Variants in FOXJ3 observed in about 807,000 individuals in gnomAD.
FOXJ3 encodes the protein forkhead box protein J3.
A neutral mutation model predicts 76.1 loss-of-function variants in FOXJ3; 22 were observed. The observed-to-expected ratio is 0.29, with a 90% CI of 0.21 to 0.41. FOXJ3 has a LOEUF of 0.41. Among genes scored for constraint, FOXJ3 ranks in the 10% least tolerant of loss-of-function variants. The pLI is 1.00. For synonymous variants in FOXJ3, 269 were observed against 261.2 expected (o/e 1.03, Z -0.29); for missense variants, 613 against 762.1 (o/e 0.80, Z 2.30).
chr1:42,312,051 G>A lies in FOXJ3; in HGVS notation c.-17-941C>T, dbSNP rs114338980. Reference sequence around the variant, plus strand: ...CATACGCATACACTGCACAAGTGGCGGAAACTGTGAGCAACTGAAGAGAGC... The same window carrying A: ...CATACGCATACACTGCACAAGTGGCAGAAACTGTGAGCAACTGAAGAGAGC... On this transcript the variant is annotated intron_variant, in intron 1 of 12. Transcript: ENST00000361346. Among the ~76,000 whole-genome samples the A allele has an allele frequency of 2.7e-3, 406 of 152,218 alleles. 7 individuals are homozygous for A. Among genetic ancestry groups the A allele is most frequent in the African/African-American group, 9.7e-3 (401 of 41,524 alleles).
chr1:42,267,501 CACAAGT>C (rs778498954), intron 3 of FOXJ3, among the ~76,000 whole-genome samples: 1 of 152,054 alleles, frequency 6.6e-6, no homozygotes, highest in Non-Finnish European at 1.5e-5. Flanking sequence ...CTTGTCCATT[CACAAGT>C]ACAAGTACTA....
intron 1 of FOXJ3, among the ~76,000 whole-genome samples, chr1:42,322,341 T>C (rs746099485): frequency 8.5e-5 from 13 of 152,148 alleles, no homozygotes; most frequent in Non-Finnish European, 1.6e-4. Flanking sequence ...TATTGTCTAT[T>C]TTGTTAGATA....
At chr1:42,295,589 C>G (rs11587973) in intron 2 of FOXJ3, among the ~76,000 whole-genome samples, 1 of 144,430 alleles carries the variant, frequency 6.9e-6, no homozygotes, top group Non-Finnish European at 1.5e-5. Context: ...AATGCAGTGG[C>G]GCAATCTTGG....
intron 5 of FOXJ3, among the ~76,000 whole-genome samples, chr1:42,208,458 T>C (rs1450315048): frequency 6.6e-6 from 1 of 152,206 alleles, no homozygotes; most frequent in Non-Finnish European, 1.5e-5. Flanking sequence ...ATCCCAAAGA[T>C]ACTTTAAAAA....
At chr1:42,236,553 G>A (rs961137747) in intron 4 of FOXJ3, among the ~76,000 whole-genome samples, 4 of 152,074 alleles carry the variant, frequency 2.6e-5, no homozygotes, top group African/African-American at 9.7e-5. Context: ...TAAAATGCAC[G>A]CATTTTAAGT....
At chr1:42,252,637 T>C (rs1475275603) in intron 4 of FOXJ3, among the ~76,000 whole-genome samples, 1 of 151,460 alleles carries the variant, frequency 6.6e-6, no homozygotes, top group Non-Finnish European at 1.5e-5. Context: ...TCAGTTCTGC[T>C]CTGATTTTAG....
chr1:42,282,433 C>A (rs1009104882), intron 2 of FOXJ3, among the ~76,000 whole-genome samples: 2 of 152,166 alleles, frequency 1.3e-5, no homozygotes, highest in African/African-American at 4.8e-5. Flanking sequence ...ACTACTTTAG[C>A]TTTTACTAAT....
chr1:42,179,931 A>C, intron 12 of FOXJ3, 106 bp from the exon 13 acceptor site: 279 of 692,094 alleles, frequency 4.0e-4, no homozygotes, highest in Non-Finnish European at 5.1e-4. Flanking sequence ...ACATTATCTC[A>C]CTAATTCAAC....
At chr1:42,327,066 C>G (rs140668551) in intron 1 of FOXJ3, among the ~76,000 whole-genome samples, 18 of 152,268 alleles carry the variant, frequency 1.2e-4, no homozygotes, top group Admixed American at 7.8e-4. Flanking sequence ...TCTCCAAAAT[C>G]CAACAGATCA....
intron 4 of FOXJ3, among the ~76,000 whole-genome samples, chr1:42,244,634 C>T (rs964059642): frequency 2.0e-5 from 3 of 147,782 alleles, no homozygotes; most frequent in East Asian, 2.0e-4. Context: ...AATCAATACA[C>T]TGACAGCCAC....
intron 4 of FOXJ3, among the ~76,000 whole-genome samples, chr1:42,241,227 G>A (rs1649114940): frequency 1.3e-5 from 2 of 152,102 alleles, no homozygotes; most frequent in South Asian, 2.1e-4. Flanking sequence ...CTCCACCAGG[G>A]TCTGAAGCAC....
intron 4 of FOXJ3, among the ~76,000 whole-genome samples, chr1:42,234,932 T>C (rs983603663): frequency 6.6e-6 from 1 of 152,202 alleles, no homozygotes; most frequent in Non-Finnish European, 1.5e-5. Context: ...TTCAAAGCTG[T>C]AAGACAGGGA....
chr1:42,228,067 T>C (rs1647722644), intron 4 of FOXJ3, 101 bp from the exon 5 acceptor site: 3 of 514,916 alleles, frequency 5.8e-6, no homozygotes, highest in Non-Finnish European at 1.0e-5. Flanking sequence ...ATTCTGCAAA[T>C]ACAATGGAAA....
chr1:42,297,983 C>T (rs964193746), intron 2 of FOXJ3, among the ~76,000 whole-genome samples: 3 of 152,110 alleles, frequency 2.0e-5, no homozygotes, highest in African/African-American at 7.2e-5. Flanking sequence ...CTACCCAAAT[C>T]TCACCTCGTA....
chr1:42,189,704 T>G, intron 9 of FOXJ3: 1 of 273,276 alleles, frequency 3.7e-6, no homozygotes, highest in Middle Eastern at 1.2e-3. Context: ...TCTAGCAGTT[T>G]CCAAATTGCC....
chr1:42,245,810 T>G (rs1430159530), intron 4 of FOXJ3, among the ~76,000 whole-genome samples: 1 of 152,096 alleles, frequency 6.6e-6, no homozygotes, highest in African/African-American at 2.4e-5. Context: ...GAAGTCCTAG[T>G]CAGCACAGTC....
chr1:42,255,123 C>G (rs922914917), intron 4 of FOXJ3, among the ~76,000 whole-genome samples: 3 of 152,054 alleles, frequency 2.0e-5, no homozygotes, highest in African/African-American at 7.2e-5. Flanking sequence ...AACACAAATC[C>G]TAAGACGGGA....
intron 2 of FOXJ3, among the ~76,000 whole-genome samples, chr1:42,299,540 CTT>C (rs762864718): frequency 4.1e-4 from 49 of 119,280 alleles, no homozygotes; most frequent in East Asian, 2.0e-3. Context: ...ATGGTTGGGT[CTT>C]TTTTTTTTTT....
intron 2 of FOXJ3, among the ~76,000 whole-genome samples, chr1:42,288,323 C>T (rs1335879898): frequency 6.6e-6 from 1 of 152,222 alleles, no homozygotes; most frequent in Non-Finnish European, 1.5e-5. Flanking sequence ...AACACACACA[C>T]ACATCCTTCA....
Sources: allele counts gnomAD v4.1 joint callset (sites outside exome capture counted in the v4.1 genomes callset), GRCh38; gene constraint gnomAD v4.1.1; transcripts MANE v1.5; gene names NCBI Gene and HGNC (gene_info 2026-07-23, HGNC 2026-07-21).